Variants in COL4A3 observed in about 807,000 individuals in gnomAD.
The protein encoded by COL4A3 is collagen alpha-3(IV) chain.
A neutral mutation model predicts 217.4 loss-of-function variants in COL4A3; 135 were observed. That is an observed-to-expected ratio of 0.62 (90% CI 0.54 to 0.72). COL4A3 has a LOEUF of 0.72. Ranked by LOEUF, COL4A3 falls within the 30% of genes least tolerant of loss-of-function variation. The pLI, the probability that COL4A3 is intolerant of heterozygous loss-of-function variation, is 0.00. For synonymous variants in COL4A3, 690 were observed against 736.3 expected (o/e 0.94, Z 1.02); for missense variants, 1,868 against 2,119.9 (o/e 0.88, Z 2.33).
chr2:227,231,218 C>G (rs1439082533), intron 1 of COL4A3, among the ~76,000 whole-genome samples: 1 of 152,138 alleles, frequency 6.6e-6, no homozygotes, highest in African/African-American at 2.4e-5. Flanking sequence ...AACAGTCAAG[C>G]CTTTCACAAT....
chr2:227,280,695 T>C (rs2071899609), intron 30 of COL4A3, 105 bp downstream of exon 30: 1 of 1,335,276 alleles, frequency 7.5e-7, no homozygotes, highest in Admixed American at 1.7e-5. Flanking sequence ...CCATCCAATG[T>C]TCCTGCCCTA....
intron 23 of COL4A3, 83 bp downstream of exon 23, chr2:227,267,171 G>C: frequency 1.0e-6 from 1 of 970,504 alleles, no homozygotes; most frequent in Non-Finnish European, 1.7e-6. Context: ...TGGATTGGTG[G>C]ATGTCACAAC....
chr2:227,257,196 T>C (rs946825677), intron 17 of COL4A3, among the ~76,000 whole-genome samples: 4 of 152,228 alleles, frequency 2.6e-5, no homozygotes, highest in Non-Finnish European at 5.9e-5. Flanking sequence ...TAGTATCACT[T>C]CCAGTAGAAT....
intron 1 of COL4A3, among the ~76,000 whole-genome samples, chr2:227,180,560 G>A (rs1028170561): frequency 9.9e-5 from 15 of 152,134 alleles, no homozygotes; most frequent in East Asian, 1.9e-4. Context: ...GGCAGTGCCC[G>A]GCAGCAGTAA....
At chr2:227,237,550 C>CAA (rs2068768734) in intron 1 of COL4A3, among the ~76,000 whole-genome samples, 3 of 152,002 alleles carry the variant, frequency 2.0e-5, no homozygotes, top group Admixed American at 2.0e-4. Context: ...AAGAATTTGC[C>CAA]AGTATTTGAC....
intron 9 of COL4A3, among the ~76,000 whole-genome samples, chr2:227,249,625 G>A (rs1045690606): frequency 6.6e-6 from 1 of 152,092 alleles, no homozygotes; most frequent in Non-Finnish European, 1.5e-5. Context: ...AGTTTGAGGT[G>A]AGGCTGTTGA....
chr2:227,207,908 G>A (rs1162831309), intron 1 of COL4A3, among the ~76,000 whole-genome samples: 1 of 152,180 alleles, frequency 6.6e-6, no homozygotes, highest in Non-Finnish European at 1.5e-5. Context: ...AAGGGGCTAA[G>A]TAGGAAGTGG....
rs1437063843 is a variant in COL4A3 at position 227,249,228 on chromosome 2, A to ATTTTTTT, written c.546+709_546+710insTTTTTTT. ...AATTAGCTAGTATATATATATATAT[A>ATTTTTTT]TATTTTTTTTTTTTTTTTTTTTTTT... On this transcript the variant is annotated intron_variant, in intron 9 of 51. Coordinates refer to ENST00000396578, the MANE Select transcript of COL4A3 (RefSeq NM_000091.5). Among the ~76,000 whole-genome samples, 14 of 22,184 alleles carry ATTTTTTT rather than the reference A, an allele frequency of 6.3e-4. No homozygotes were observed. The East Asian group carries it at 6.7e-3, about 11-fold the overall frequency. 14.6% of individuals were successfully genotyped at this position (22,184 alleles called of 152,430 possible).
intron 1 of COL4A3, among the ~76,000 whole-genome samples, chr2:227,166,216 C>T (rs2065271118): frequency 6.6e-6 from 1 of 152,184 alleles, no homozygotes; most frequent in Non-Finnish European, 1.5e-5. Context: ...TCTATGTAAT[C>T]TGTTTGTGTA....
rs1366863434 is a variant in COL4A3 at position 227,251,346 on chromosome 2, G to T, written c.620G>T (p.Gly207Val). ...PGPPGFFGFP[G>V]AMGPRGPKGH... The stretch of plus-strand genomic sequence containing the variant: ...TGTGGATTTTTCTAGGGCTTTCCAG[G>T]AGCCATGGGACCTAGAGGACCTAAG... Residue 207 changes from glycine (G) to valine (V), a missense_variant, in exon 11 of 52, where the codon GGA becomes GTA. Physicochemically the swap from Gly to Val is moderately radical, Grantham distance 109. Coordinates refer to ENST00000396578, the MANE Select transcript of COL4A3 (RefSeq NM_000091.5). 6.2e-7 allele frequency: 1 copy of T among 1,613,228 alleles called. No individual in the cohort carries two copies. Among genetic ancestry groups the T allele is most frequent in the Non-Finnish European group, 8.5e-7 (1 of 1,179,940 alleles).
chr2:227,291,693 A>C (rs1274054710), intron 37 of COL4A3, among the ~76,000 whole-genome samples: 1 of 152,098 alleles, frequency 6.6e-6, no homozygotes, highest in African/African-American at 2.4e-5. Flanking sequence ...AGATAGATAC[A>C]TTTATCTTTC....
intron 1 of COL4A3, among the ~76,000 whole-genome samples, chr2:227,229,468 C>T (rs753400533): frequency 9.2e-5 from 14 of 152,190 alleles, no homozygotes; most frequent in African/African-American, 3.4e-4. Context: ...CTCACCCTTG[C>T]TCTTAGATTC....
chr2:227,222,316 T>G (rs1473732196), intron 1 of COL4A3: 1 of 152,172 alleles, frequency 6.6e-6, no homozygotes, highest in Non-Finnish European at 1.5e-5. Flanking sequence ...TTCTGCCTGA[T>G]TCATGTTCAT....
intron 27 of COL4A3, among the ~76,000 whole-genome samples, chr2:227,277,176 G>A (rs561057172): frequency 3.3e-5 from 5 of 151,964 alleles, no homozygotes; most frequent in African/African-American, 9.7e-5. Flanking sequence ...AAAATTAGCC[G>A]GGCGTGGTGG....
intron 1 of COL4A3, among the ~76,000 whole-genome samples, chr2:227,174,448 C>A (rs2065602256): frequency 6.6e-6 from 1 of 152,080 alleles, no homozygotes; most frequent in African/African-American, 2.4e-5. Flanking sequence ...GACAGAAGTG[C>A]TCCATATAGT....
intron 1 of COL4A3, among the ~76,000 whole-genome samples, chr2:227,222,847 CCT>C (rs58377505): frequency 6.6e-6 from 1 of 152,164 alleles, no homozygotes; most frequent in Non-Finnish European, 1.5e-5. Flanking sequence ...GGGCCAATGG[CCT>C]CTCTGCTGGG....
intron 1 of COL4A3, among the ~76,000 whole-genome samples, chr2:227,190,171 A>G (rs556781435): frequency 2.6e-5 from 4 of 152,380 alleles, no homozygotes; most frequent in African/African-American, 4.8e-5. Flanking sequence ...AAATTCATCA[A>G]ACAAGAATAC....
In COL4A3 at chr2:227,243,446, CCTT is replaced by C. The variant is rs1191110921; in HGVS notation, c.235-871_235-869del. The stretch of plus-strand genomic sequence containing the variant: ...GAGAAAGTAAAACCTGCAAGTAAAA[CCTT>C]CTGCTTTCGGCATCACGTGAATAGA... On this transcript the variant is annotated intron_variant, in intron 3 of 51. Transcript: ENST00000396578. 3.3e-5 allele frequency among the ~76,000 whole-genome samples: 5 copies of C among 152,240 alleles called. No homozygotes were observed. In the East Asian group the frequency reaches 5.8e-4, roughly 18 times the overall value.
chr2:227,178,353 A>G (rs2065757276), intron 1 of COL4A3, among the ~76,000 whole-genome samples: 1 of 152,144 alleles, frequency 6.6e-6, no homozygotes, highest in Non-Finnish European at 1.5e-5. Flanking sequence ...ACTTCACTCC[A>G]GCCTGGGCAA....
Sources: allele counts gnomAD v4.1 joint callset (sites outside exome capture counted in the v4.1 genomes callset), GRCh38; gene constraint gnomAD v4.1.1; transcripts MANE v1.5; gene names NCBI Gene and HGNC (gene_info 2026-07-23, HGNC 2026-07-21).